Variants in TMSB15B observed in about 807,000 individuals in gnomAD.
The protein encoded by TMSB15B is thymosin beta-15B.
In TMSB15B at chrX:103,948,329, C is replaced by G. The variant is rs781792249; in HGVS notation, c.-720-13692C>G. ...GGCAAGAATGTGGGAAAATGGGACT[C>G]ATACACTGCTGGTATGAATGTAAAT... is the stretch of plus-strand genomic sequence containing the variant. On this transcript the variant is annotated intron_variant, in intron 1 of 3. Transcript: ENST00000419165. Among the ~76,000 whole-genome samples, 15 of 112,059 alleles carry G rather than the reference C, an allele frequency of 1.3e-4. No homozygotes were observed. The South Asian group carries it at 5.3e-3, about 39-fold the overall frequency.
chrX:103,940,733 GCAA>G (rs1409049630), intron 1 of TMSB15B, among the ~76,000 whole-genome samples: 11 of 110,253 alleles, frequency 1.0e-4, no homozygotes, highest in African/African-American at 3.7e-4. Context: ...AACAACAACA[GCAA>G]CAACAACAAC....
Position 103,955,411 on chromosome X carries a change from C to T in TMSB15B, c.-720-6610C>T, listed in dbSNP as rs183928359. On this transcript the variant is annotated intron_variant, in intron 1 of 3. Coordinates refer to the TMSB15B transcript ENST00000419165. ...AAATCATGATAAAATATCATAGGAG[C>T]TGACAGACAAAATAGCCAGTATAGA... 9.2e-3 allele frequency among the ~76,000 whole-genome samples: 1,017 copies of T among 110,038 alleles called. 15 individuals are homozygous for T. The highest frequency in any genetic ancestry group is 0.032 in the African/African-American group (967 of 30,204).
chrX:103,928,878 T>C, intron 1 of TMSB15B: 12 of 1,205,522 alleles, frequency 1.0e-5, no homozygotes, highest in African/African-American at 1.7e-5. Context: ...TGTGGAACAC[T>C]TGGGGCCAAA....
At chrX:103,951,178 G>A (rs1466595657) in intron 1 of TMSB15B, among the ~76,000 whole-genome samples, 5 of 111,544 alleles carry the variant, frequency 4.5e-5, no homozygotes, top group Non-Finnish European at 3.8e-5. Flanking sequence ...TAATGACCTC[G>A]CTTTGACTTA....
At chrX:103,932,928 A>G (rs1329060301) in intron 1 of TMSB15B, 3 of 111,849 alleles carry the variant, frequency 2.7e-5, no homozygotes, top group African/African-American at 9.7e-5. Context: ...TCAAAAGAAA[A>G]AGAATAAAAA....
chrX:103,928,129 G>A (rs1212488211), intron 1 of TMSB15B: 3 of 1,139,737 alleles, frequency 2.6e-6, no homozygotes, highest in African/African-American at 3.6e-5. Context: ...CCAGGAAGGA[G>A]CTTCAGCACA....
intron 1 of TMSB15B, chrX:103,928,790 C>T (rs1320733135): frequency 5.3e-5 from 63 of 1,188,582 alleles, no homozygotes; most frequent in Middle Eastern, 2.3e-4. Context: ...CTGTATCCTC[C>T]GATTGTGCTG....
At chrX:103,929,772 C>T (rs2074979260) in intron 1 of TMSB15B, among the ~76,000 whole-genome samples, 1 of 111,440 alleles carries the variant, frequency 9.0e-6, no homozygotes, top group Non-Finnish European at 1.9e-5. Context: ...TAACATTGCC[C>T]AGAAACGATT....
chrX:103,930,025 T>A (rs1327453850), intron 1 of TMSB15B, among the ~76,000 whole-genome samples: 1 of 110,984 alleles, frequency 9.0e-6, no homozygotes, highest in African/African-American at 3.3e-5. Context: ...TAATTGCATA[T>A]TTTGTTGATG....
At chrX:103,936,435 T>C (rs782284549) in intron 1 of TMSB15B, among the ~76,000 whole-genome samples, 3 of 112,100 alleles carry the variant, frequency 2.7e-5, no homozygotes, top group East Asian at 2.8e-4. Flanking sequence ...AGTTTGCTCA[T>C]GATTTGGCTC....
chrX:103,948,085 T>A (rs1294106231), intron 1 of TMSB15B, among the ~76,000 whole-genome samples: 1 of 111,487 alleles, frequency 9.0e-6, no homozygotes, highest in African/African-American at 3.3e-5. Context: ...AAATACCTAA[T>A]GTAGATGACG....
At chrX:103,922,351 TC>T (rs2074955828) in intron 1 of TMSB15B, among the ~76,000 whole-genome samples, 2 of 50,585 alleles carry the variant, frequency 4.0e-5, no homozygotes, top group Non-Finnish European at 3.5e-5. Context: ...ATGCTAACCC[TC>T]CCCCCTCCCC....
At chrX:103,942,442 A>T (rs1416987885) in intron 1 of TMSB15B, among the ~76,000 whole-genome samples, 35 of 111,725 alleles carry the variant, frequency 3.1e-4, no homozygotes, top group African/African-American at 1.1e-3. Flanking sequence ...AAGATTTCTG[A>T]CCTGTCTGTT....
At chrX:103,926,756 C>G (rs1309693109) in intron 1 of TMSB15B, among the ~76,000 whole-genome samples, 1 of 110,421 alleles carries the variant, frequency 9.1e-6, no homozygotes, top group African/African-American at 3.3e-5. Context: ...GAGTCCCAAC[C>G]TTCATGCCCC....
intron 1 of TMSB15B, among the ~76,000 whole-genome samples, chrX:103,940,293 T>C (rs1321788070): frequency 2.7e-5 from 3 of 112,082 alleles, no homozygotes; most frequent in Non-Finnish European, 3.8e-5. Context: ...CCCAAGGAGA[T>C]GGGGGTTTTA....
At chrX:103,937,204 C>A (rs1246650573) in intron 1 of TMSB15B, among the ~76,000 whole-genome samples, 2 of 111,831 alleles carry the variant, frequency 1.8e-5, no homozygotes, top group Non-Finnish European at 3.8e-5. Context: ...AGGGAGGAGT[C>A]CATCTGTTTC....
intron 1 of TMSB15B, among the ~76,000 whole-genome samples, chrX:103,937,646 G>GT (rs1280860303): frequency 4.5e-5 from 5 of 110,914 alleles, no homozygotes; most frequent in Middle Eastern, 4.6e-3. Context: ...TTTTTGAAGG[G>GT]TTTTTTTGTG....
intron 1 of TMSB15B, chrX:103,932,767 T>C (rs2074987946): frequency 8.9e-6 from 1 of 111,890 alleles, no homozygotes; most frequent in Non-Finnish European, 1.9e-5. Context: ...TATTAATATT[T>C]AGTTTTGTGA....
intron 1 of TMSB15B, among the ~76,000 whole-genome samples, chrX:103,938,146 A>G (rs1369236578): frequency 9.0e-6 from 1 of 111,433 alleles, no homozygotes; most frequent in Non-Finnish European, 1.9e-5. Context: ...TATTCTGTTG[A>G]TTTGGGTGGA....
Sources: allele counts gnomAD v4.1 joint callset (sites outside exome capture counted in the v4.1 genomes callset), GRCh38; gene constraint gnomAD v4.1.1; transcripts MANE v1.5; gene names NCBI Gene and HGNC (gene_info 2026-07-23, HGNC 2026-07-21).